The following PLCB1 variants were observed in gnomAD, a reference collection of about 807,000 sequenced individuals.
PLCB1 encodes phospholipase C beta 1.
A neutral mutation model predicts 161.8 loss-of-function variants in PLCB1; 46 were observed. The observed-to-expected ratio is 0.28, with a 90% confidence interval of 0.22 to 0.36. PLCB1 has a LOEUF of 0.36. Ranked by LOEUF, PLCB1 falls within the 10% of genes least tolerant of loss-of-function variation. The probability of loss-of-function intolerance (pLI) is 1.00; values close to 1 mark genes in which losing one functional copy is unlikely to be tolerated. For synonymous variants in PLCB1, 517 were observed against 503.7 expected, an observed-to-expected ratio of 1.03 and a Z score of -0.35; for missense variants, 1,016 against 1,472.5, an observed-to-expected ratio of 0.69 and a Z score of 5.07.
chr20:8,851,781 A>C (rs2146302573), intron 31 of PLCB1, among the ~76,000 whole-genome samples: 1 of 151,966 alleles, frequency 6.6e-6, no homozygotes, highest in East Asian at 1.9e-4. Context: ...CTCACACAAA[A>C]GTAAGAGAAT....
chr20:8,694,062 A>G (rs568689726), intron 10 of PLCB1, among the ~76,000 whole-genome samples: 5 of 152,340 alleles, frequency 3.3e-5, no homozygotes, highest in East Asian at 1.9e-4. Context: ...CCCAGAAGCT[A>G]TATTTATTCA....
chr20:8,815,732 A>T (rs189950075), intron 31 of PLCB1, among the ~76,000 whole-genome samples: 302 of 152,346 alleles, frequency 2.0e-3, no homozygotes, highest in Non-Finnish European at 3.7e-3. Flanking sequence ...AAAGATCTAG[A>T]AATATCTGAC....
intron 24 of PLCB1, among the ~76,000 whole-genome samples, chr20:8,760,068 G>A (rs185579308): frequency 4.0e-5 from 6 of 151,812 alleles, no homozygotes; most frequent in African/African-American, 9.7e-5. Context: ...ACCATGCTCC[G>A]CTAATTTTTG....
chr20:8,455,310 A>G (rs1330423728), intron 3 of PLCB1, among the ~76,000 whole-genome samples: 2 of 135,444 alleles, frequency 1.5e-5, no homozygotes, highest in Non-Finnish European at 3.1e-5. Context: ...CCTGGGCAAC[A>G]GGGGAGAAAC....
intron 2 of PLCB1, among the ~76,000 whole-genome samples, chr20:8,215,514 C>T (rs1016941779): frequency 7.0e-4 from 107 of 151,974 alleles, no homozygotes; most frequent in African/African-American, 2.5e-3. Flanking sequence ...AGTTTTTTCC[C>T]TTCAAATAGC....
rs964088740 is a variant in PLCB1, at chr20:8,884,433, A to G, written c.*2584A>G. The G allele has an allele frequency of 6.6e-6, 1 of 152,568 alleles. No homozygotes were observed. The highest frequency in any genetic ancestry group is 2.4e-5 in the African/African-American group (1 of 41,420). The allele number at this position is 152,568 out of a possible 1,614,324, so 9.5% of individuals were successfully genotyped here. A position where few individuals can be genotyped will look rare whatever the true frequency, so the allele number is the denominator to read the frequency against. On this transcript the variant is annotated 3_prime_UTR_variant, in exon 32 of 32. Coordinates refer to ENST00000338037, the MANE Select transcript of PLCB1 (RefSeq NM_015192.4). ...GACTGTGTCTCTCTGATACCTTTAC[A>G]CTACTGAGAATAGCATGGTTTTGGC... is the stretch of plus-strand genomic sequence containing the variant.
chr20:8,313,066 G>A (rs565996696), intron 2 of PLCB1, among the ~76,000 whole-genome samples: 2 of 152,206 alleles, frequency 1.3e-5, no homozygotes, highest in East Asian at 1.9e-4. Context: ...TTGGTGCCCC[G>A]GAAGGTTTCT....
intron 3 of PLCB1, among the ~76,000 whole-genome samples, chr20:8,517,886 A>G (rs1326448343): frequency 6.6e-6 from 1 of 152,196 alleles, no homozygotes; most frequent in African/African-American, 2.4e-5. Context: ...GACAGCCATT[A>G]AAAGTTTATC....
intron 27 of PLCB1, among the ~76,000 whole-genome samples, chr20:8,775,081 T>C (rs1236549654): frequency 1.2e-5 from 1 of 85,792 alleles, no homozygotes; most frequent in African/African-American, 3.3e-5. Flanking sequence ...CCCTTTTTTT[T>C]TTTTTTTTTT....
At chr20:8,143,388 C>G (rs2051423224) in intron 1 of PLCB1, among the ~76,000 whole-genome samples, 1 of 152,186 alleles carries the variant, frequency 6.6e-6, no homozygotes, top group Non-Finnish European at 1.5e-5. Context: ...GCAGTACCTT[C>G]CACCCCTTCA....
intron 13 of PLCB1, 148 bp from the exon 14 acceptor site, chr20:8,717,523 T>C (rs1979387670): frequency 1.9e-6 from 1 of 531,032 alleles, no homozygotes; most frequent in Non-Finnish European, 3.3e-6. Context: ...TTAGCTCCCA[T>C]GTAAGATACA....
intron 2 of PLCB1, among the ~76,000 whole-genome samples, chr20:8,223,756 G>A (rs1031892487): frequency 6.6e-6 from 1 of 152,088 alleles, no homozygotes; most frequent in African/African-American, 2.4e-5. Context: ...CTTCTTTAAG[G>A]AAGCATATAG....
chr20:8,469,536 C>T (rs1401696716), intron 3 of PLCB1, among the ~76,000 whole-genome samples: 1 of 151,978 alleles, frequency 6.6e-6, no homozygotes, highest in Non-Finnish European at 1.5e-5. Context: ...AGGTTTTTGT[C>T]AGTGTAACCC....
rs192503905 is a variant in PLCB1 at position 8,817,966 on chromosome 20, A to G, written c.3423+27705A>G. On this transcript the variant is annotated intron_variant, in intron 31 of 31. Transcript: ENST00000338037. ...ATGCAATGCATAGTTATAGCAACAG[A>G]AAGAGAATTAGTAAATTTTTAGTGA... Among the ~76,000 whole-genome samples, 311 of 152,342 alleles carry G rather than the reference A, an allele frequency of 2.0e-3. 2 individuals carry two copies. The highest frequency in any genetic ancestry group is 1.5e-3 in the Non-Finnish European group (105 of 68,030).
At chr20:8,761,291 T>G (rs1212544467) in intron 25 of PLCB1, among the ~76,000 whole-genome samples, 1 of 152,226 alleles carries the variant, frequency 6.6e-6, no homozygotes, top group African/African-American at 2.4e-5. Flanking sequence ...TGGATTATAC[T>G]TGGTGGGAGA....
At chr20:8,236,553 A>C (rs1980338318) in intron 2 of PLCB1, among the ~76,000 whole-genome samples, 1 of 152,024 alleles carries the variant, frequency 6.6e-6, no homozygotes, top group Admixed American at 6.6e-5. Flanking sequence ...TTAATTAATT[A>C]ATATAAAATA....
chr20:8,669,411 G>A (rs1989891705), intron 9 of PLCB1, among the ~76,000 whole-genome samples: 1 of 152,202 alleles, frequency 6.6e-6, no homozygotes, highest in South Asian at 2.1e-4. Context: ...AGGAAAGCGA[G>A]TCTTTGGATG....
At chr20:8,316,818 T>A (rs771729570) in intron 2 of PLCB1, among the ~76,000 whole-genome samples, 1 of 152,124 alleles carries the variant, frequency 6.6e-6, no homozygotes, top group Non-Finnish European at 1.5e-5. Context: ...GACCAGTTAG[T>A]ACAGATCCCC....
intron 1 of PLCB1, among the ~76,000 whole-genome samples, chr20:8,148,162 G>A (rs895539429): frequency 2.0e-5 from 3 of 152,140 alleles, no homozygotes; most frequent in Non-Finnish European, 4.4e-5. Context: ...TCCTCTAGAA[G>A]TGGGAATGTG....
Sources: gnomAD v4.1 joint callset for allele counts (sites outside exome capture counted in the v4.1 genomes callset) on GRCh38, gnomAD v4.1.1 for gene constraint, MANE v1.5 for transcripts, NCBI Gene and HGNC (gene_info 2026-07-23, HGNC 2026-07-21) for gene names.